Variants in FAM228B observed in about 807,000 individuals in gnomAD.
The protein encoded by FAM228B is protein FAM228B.
In FAM228B, 38 loss-of-function variants were observed where a neutral mutation model predicts 42.6. The ratio of observed to expected loss-of-function variants is 0.89; its 90% CI spans 0.69 to 1.17. The LOEUF (loss-of-function observed/expected upper bound fraction) is 1.17, where lower values mean the gene tolerates loss of function less well. Among genes scored for constraint, FAM228B ranks in the 50% most tolerant of loss-of-function variants. FAM228B has a pLI of 0.00. For missense variants in FAM228B, 344 were observed against 367.3 expected (o/e 0.94, Z 0.52); for synonymous variants, 109 against 122.3 (o/e 0.89, Z 0.72).
At chr2:24,112,383 C>A (rs964037379) in intron 3 of FAM228B, among the ~76,000 whole-genome samples, 2 of 150,262 alleles carry the variant, frequency 1.3e-5, no homozygotes, top group African/African-American at 2.5e-5. Flanking sequence ...TCACTGCAAC[C>A]TCCGCCTCCT....
intron 3 of FAM228B, among the ~76,000 whole-genome samples, chr2:24,117,073 T>C (rs1022695780): frequency 6.7e-6 from 1 of 149,010 alleles, no homozygotes; most frequent in Non-Finnish European, 1.5e-5. Flanking sequence ...TGGAGTGCAG[T>C]GGCACGATCT....
At chr2:24,132,435 C>T (rs1666475405) in intron 2 of FAM228B, among the ~76,000 whole-genome samples, 1 of 149,136 alleles carries the variant, frequency 6.7e-6, no homozygotes, top group Non-Finnish European at 1.5e-5. Flanking sequence ...TAGTAGAATC[C>T]AGCCATGAAT....
In FAM228B at chr2:24,113,509, G is replaced by A. The variant is rs1665834014; in HGVS notation, c.-121+18280G>A. 5.9e-5 allele frequency among the ~76,000 whole-genome samples: 9 copies of A among 152,306 alleles called. No homozygotes were observed. The South Asian group carries it at 1.9e-3, about 32-fold the overall frequency. On this transcript the variant is annotated intron_variant, in intron 3 of 10. Transcript: ENST00000613899. ...CGCTTGAGCTTAGGAGATTGAGGCT[G>A]TAGTTAACTGTGATCACACCACTGC...
chr2:24,146,930 G>A lies in FAM228B; in HGVS notation c.530G>A (p.Gly177Asp), dbSNP rs191122822. ...EKRTLLQCETGKIYSIKEFKE... is the reference protein window; with the variant it reads ...EKRTLLQCETDKIYSIKEFKE... ...ATTTAGATTTTTATTCTTCCTTCAGGCAAAATATATTCAATAAAGGAATTC... is the reference window on the plus strand; with the variant it reads ...ATTTAGATTTTTATTCTTCCTTCAGACAAAATATATTCAATAAAGGAATTC... The change falls in exon 7 of 11, where the codon GGC (glycine) becomes GAC (aspartate). Residue 177 changes from glycine to aspartate, a missense_variant and splice_region_variant. Gly to Asp is a moderately conservative substitution (Grantham distance 94, BLOSUM62 -1). Transcript: ENST00000615575. The A allele has an allele frequency of 2.9e-5, 45 of 1,550,506 alleles. No homozygotes were observed. Among genetic ancestry groups the A allele is most frequent in the Non-Finnish European group, 3.5e-6 (4 of 1,146,264 alleles).
intron 7 of FAM228B, among the ~76,000 whole-genome samples, chr2:24,153,211 G>A (rs1306755949): frequency 6.6e-6 from 1 of 152,146 alleles, no homozygotes; most frequent in Non-Finnish European, 1.5e-5. Context: ...GGGACCTAAG[G>A]TGCAAAACAA....
chr2:24,160,244 A>G (rs1667256422), intron 7 of FAM228B, among the ~76,000 whole-genome samples: 2 of 151,154 alleles, frequency 1.3e-5, no homozygotes, highest in South Asian at 2.1e-4. Flanking sequence ...CCCACCTCAG[A>G]CTCCCAGAGT....
At chr2:24,132,533 T>C (rs995378273) in intron 2 of FAM228B, among the ~76,000 whole-genome samples, 1 of 150,712 alleles carries the variant, frequency 6.6e-6, no homozygotes, top group African/African-American at 2.4e-5. Context: ...CAGAACTTGT[T>C]ATTAGTCTAT....
intron 3 of FAM228B, among the ~76,000 whole-genome samples, chr2:24,113,664 G>T (rs1665837593): frequency 6.6e-6 from 1 of 152,114 alleles, no homozygotes; most frequent in South Asian, 2.1e-4. Context: ...ATCACCTGAG[G>T]TCAGGAGTTC....
At chr2:24,121,459 C>T (rs1666116748), upstream of FAM228B, among the ~76,000 whole-genome samples, 2 of 152,180 alleles carry the variant, frequency 1.3e-5, no homozygotes, top group Non-Finnish European at 2.9e-5. Flanking sequence ...CACTTCGTGA[C>T]ACTTACAAAT....
At chr2:24,167,004 G>C (rs1667432854) in intron 9 of FAM228B, among the ~76,000 whole-genome samples, 1 of 152,152 alleles carries the variant, frequency 6.6e-6, no homozygotes, top group Non-Finnish European at 1.5e-5. Flanking sequence ...GCAGGTTGGG[G>C]TTACAGGCCG....
chr2:24,087,065 G>A (rs942422853), intron 2 of FAM228B, among the ~76,000 whole-genome samples: 2 of 152,082 alleles, frequency 1.3e-5, no homozygotes, highest in African/African-American at 4.8e-5. Flanking sequence ...CAACCACTAA[G>A]TATACTAAAG....
chr2:24,104,385 G>A (rs932686702), intron 3 of FAM228B, among the ~76,000 whole-genome samples: 13 of 152,220 alleles, frequency 8.5e-5, no homozygotes, highest in African/African-American at 7.2e-5. Context: ...ACCAGCCAGC[G>A]CCGAAGCCCC....
chr2:24,111,436 T>C (rs1266100469), intron 3 of FAM228B, among the ~76,000 whole-genome samples: 1 of 152,336 alleles, frequency 6.6e-6, no homozygotes, highest in East Asian at 1.9e-4. Context: ...TCTTGCAGGC[T>C]TGAGAGCCAT....
At chr2:24,164,461 GT>G in intron 9 of FAM228B, 126 bp downstream of exon 9, 1 of 1,064,942 alleles carries the variant, frequency 9.4e-7, no homozygotes, top group Non-Finnish European at 1.3e-6. Flanking sequence ...TGGGGAATAG[GT>G]TAGAAGCAGC....
rs200330465 is a variant in FAM228B at position 24,077,769 on chromosome 2, A to G, written c.-290+800A>G. 495 of 1,609,406 alleles carry G rather than the reference A, an allele frequency of 3.1e-4. No individual in the cohort carries two copies. Among genetic ancestry groups the G allele is most frequent in the Non-Finnish European group, 3.8e-4 (452 of 1,177,084 alleles). On this transcript the variant is annotated intron_variant, in intron 1 of 10. Coordinates refer to the FAM228B transcript ENST00000613899. This position sits in a 1 kb window ranked among gnomAD's most constrained non-coding sequence, Gnocchi z 5.5. ...CACCAGCATTTGCTTGTACTAAGAC[A>G]AGGGAAAGGAGATCATCAGCCTGGG...
At chr2:24,099,524 A>T (rs901936806) in intron 3 of FAM228B, among the ~76,000 whole-genome samples, 1 of 152,162 alleles carries the variant, frequency 6.6e-6, no homozygotes, top group African/African-American at 2.4e-5. Context: ...CACAATTGCT[A>T]CAAAGAGAAT....
chr2:24,146,252 T>G (rs1050872036), intron 5 of FAM228B, among the ~76,000 whole-genome samples: 7 of 152,192 alleles, frequency 4.6e-5, no homozygotes, highest in African/African-American at 1.4e-4. Context: ...TGTTTTCATA[T>G]GTAGAACTGT....
intron 3 of FAM228B, among the ~76,000 whole-genome samples, chr2:24,098,960 A>T (rs1398867416): frequency 1.3e-5 from 2 of 152,250 alleles, no homozygotes; most frequent in African/African-American, 2.4e-5. Flanking sequence ...CATCCCTGGG[A>T]TGCAAGGCTG....
chr2:24,107,738 A>C (rs1357433209), intron 3 of FAM228B, among the ~76,000 whole-genome samples: 2 of 152,220 alleles, frequency 1.3e-5, no homozygotes, highest in Non-Finnish European at 2.9e-5. Flanking sequence ...AATGAGAACA[A>C]AGATATGACA....
Sources: allele counts gnomAD v4.1 joint callset (sites outside exome capture counted in the v4.1 genomes callset), GRCh38; gene constraint gnomAD v4.1.1; non-coding constraint Gnocchi (gnomAD v3.1); transcripts MANE v1.5; gene names NCBI Gene and HGNC (gene_info 2026-07-23, HGNC 2026-07-21).